Variants in GFOD1 observed in about 807,000 individuals in gnomAD.
GFOD1 encodes the protein Gfo/Idh/MocA-like oxidoreductase domain containing 1, also known as glucose-fructose oxidoreductase domain-containing protein 1.
Under a neutral mutation model 25.4 loss-of-function variants are expected in GFOD1, and 9 were observed. That is an observed-to-expected ratio of 0.35 (90% CI 0.21 to 0.62). The LOEUF (loss-of-function observed/expected upper bound fraction) is 0.62. Among genes scored for constraint, GFOD1 ranks in the 20% least tolerant of loss-of-function variants. The probability of loss-of-function intolerance (pLI) is 0.72; values close to 1 mark genes in which losing one functional copy is unlikely to be tolerated. For synonymous variants in GFOD1, 253 were observed against 245.6 expected, an observed-to-expected ratio of 1.03 and a Z score of -0.28; for missense variants, 403 against 556.9, an observed-to-expected ratio of 0.72 and a Z score of 2.78.
At chr6:13,483,274 A>G (rs972963847) in intron 1 of GFOD1, among the ~76,000 whole-genome samples, 12 of 152,172 alleles carry the variant, frequency 7.9e-5, no homozygotes, top group Admixed American at 7.9e-4. Context: ...AAGGGCGAAC[A>G]TGGAAGGAGA....
At chr6:13,458,017 A>C (rs570327901) in intron 1 of GFOD1, among the ~76,000 whole-genome samples, 1 of 152,216 alleles carries the variant, frequency 6.6e-6, no homozygotes. Context: ...TGAACTAATG[A>C]CAATTAAAAT....
chr6:13,478,697 G>T (rs982833543), intron 1 of GFOD1, among the ~76,000 whole-genome samples: 1 of 152,218 alleles, frequency 6.6e-6, no homozygotes, highest in Non-Finnish European at 1.5e-5. Flanking sequence ...GGCTGAACTT[G>T]TCATGTTCAT....
At chr6:13,442,428 T>A (rs1243817401) in intron 1 of GFOD1, among the ~76,000 whole-genome samples, 2 of 152,226 alleles carry the variant, frequency 1.3e-5, no homozygotes, top group Admixed American at 6.5e-5. Flanking sequence ...TTTTCATTAC[T>A]GGTATTATGA....
At chr6:13,470,320 A>G in intron 1 of GFOD1, 1 of 1,577,386 alleles carries the variant, frequency 6.3e-7, no homozygotes, top group Non-Finnish European at 8.6e-7. Context: ...CATTCAGGCA[A>G]GAATGTGCAG....
At position 13,372,909 on chromosome 6, in the gene GFOD1, T is replaced by C. The variant is rs552514719; in HGVS notation, c.254-7247A>G. Among the ~76,000 whole-genome samples the C allele has an allele frequency of 2.0e-5, 3 of 152,328 alleles. No individual in the cohort carries two copies. In the East Asian group the frequency reaches 5.8e-4, roughly 29 times the overall value. On this transcript the variant is annotated intron_variant, in intron 1 of 1. Coordinates refer to ENST00000379287, the MANE Select transcript of GFOD1 (RefSeq NM_018988.4). ...ATCTTCTAGAAGCCAAAACGGATGC[T>C]AGTTCTGCAGGCTGGCTTGCAGCTG... is the stretch of plus-strand genomic sequence containing the variant.
At chr6:13,412,927 C>G (rs544611330) in intron 1 of GFOD1, among the ~76,000 whole-genome samples, 1 of 152,302 alleles carries the variant, frequency 6.6e-6, no homozygotes, top group African/African-American at 2.4e-5. Context: ...GTTGCTATGA[C>G]GATAAGCATG....
chr6:13,466,573 C>T (rs1003795246), intron 1 of GFOD1, among the ~76,000 whole-genome samples: 3 of 152,178 alleles, frequency 2.0e-5, no homozygotes, highest in Non-Finnish European at 4.4e-5. Flanking sequence ...TCCCTGTGGC[C>T]TCCTGTGAAC....
Position 13,430,363 on chromosome 6 carries a change from G to T in GFOD1, c.253+56275C>A, listed in dbSNP as rs1011908923. Among the ~76,000 whole-genome samples the T allele has an allele frequency of 6.6e-6, 1 of 151,968 alleles. No individual in the cohort carries two copies. Among genetic ancestry groups the T allele is most frequent in the African/African-American group, 2.4e-5 (1 of 41,334 alleles). On this transcript the variant is annotated intron_variant, in intron 1 of 1. Coordinates refer to ENST00000379287, the MANE Select transcript of GFOD1 (RefSeq NM_018988.4). This position sits in a 1 kb window ranked among gnomAD's most constrained non-coding sequence, Gnocchi z 4.1. ...GAGGCAGGAGAATCACTTGAACCTG[G>T]GAGGCAGAGGTTGCAGTGATCCGAG...
chr6:13,411,325 T>G (rs1786073828), intron 1 of GFOD1, among the ~76,000 whole-genome samples: 1 of 152,138 alleles, frequency 6.6e-6, no homozygotes, highest in Non-Finnish European at 1.5e-5. Flanking sequence ...AGAGTCTCAC[T>G]CTGTCAGCCA....
chr6:13,462,367 G>C lies in GFOD1; in HGVS notation c.253+24271C>G, dbSNP rs555640980. Among the ~76,000 whole-genome samples, 3 of 152,194 alleles carry C rather than the reference G, an allele frequency of 2.0e-5. No individual in the cohort carries two copies. The East Asian group carries it at 5.8e-4, about 29-fold the overall frequency. On this transcript the variant is annotated intron_variant, in intron 1 of 1. Coordinates refer to ENST00000379287, the MANE Select transcript of GFOD1 (RefSeq NM_018988.4). ...TGTCATAAATTAGGGTTCTTCCTAG[G>C]ATTTCTGCCCCTATTTGTACCCCAC...
intron 1 of GFOD1, among the ~76,000 whole-genome samples, chr6:13,379,219 G>A (rs1486827344): frequency 6.6e-6 from 1 of 152,152 alleles, no homozygotes; most frequent in Non-Finnish European, 1.5e-5. Context: ...TAGTAGAGAT[G>A]TGTGATTTTG....
At chr6:13,482,503 T>C (rs546809976) in intron 1 of GFOD1, among the ~76,000 whole-genome samples, 2 of 152,230 alleles carry the variant, frequency 1.3e-5, no homozygotes, top group East Asian at 1.9e-4. Context: ...TCCCAGCACT[T>C]TGGGAGGCCA....
chr6:13,470,167 T>C, intron 1 of GFOD1: 1 of 1,541,920 alleles, frequency 6.5e-7, no homozygotes, highest in Non-Finnish European at 8.8e-7. Flanking sequence ...CCCACTGGCT[T>C]CCCCAGCACC....
chr6:13,391,971 C>A (rs1785623272), intron 1 of GFOD1, among the ~76,000 whole-genome samples: 1 of 152,170 alleles, frequency 6.6e-6, no homozygotes, highest in African/African-American at 2.4e-5. Context: ...CAGGCCTGCC[C>A]ATGGCATAGC....
chr6:13,396,660 A>T (rs1785739197), intron 1 of GFOD1, among the ~76,000 whole-genome samples: 1 of 152,164 alleles, frequency 6.6e-6, no homozygotes, highest in Non-Finnish European at 1.5e-5. Flanking sequence ...CTCTTACAAG[A>T]AGGAAGCAGG....
At chr6:13,471,664 G>A (rs1230493089) in intron 1 of GFOD1, among the ~76,000 whole-genome samples, 1 of 152,226 alleles carries the variant, frequency 6.6e-6, no homozygotes. Context: ...CCAAGGTGGA[G>A]ACTATCAACA....
intron 1 of GFOD1, among the ~76,000 whole-genome samples, chr6:13,467,722 A>ATTC (rs371344540): frequency 6.6e-6 from 1 of 151,950 alleles, no homozygotes; most frequent in African/African-American, 2.4e-5. Flanking sequence ...GGACTGTTCC[A>ATTC]GCTGTTTCTG....
intron 1 of GFOD1, among the ~76,000 whole-genome samples, chr6:13,397,136 T>C (rs1439497988): frequency 1.3e-5 from 2 of 152,092 alleles, no homozygotes; most frequent in African/African-American, 2.4e-5. Flanking sequence ...AGCAGACCCA[T>C]TGTGGGTGCC....
At chr6:13,463,544 G>A (rs1199936047) in intron 1 of GFOD1, among the ~76,000 whole-genome samples, 1 of 152,148 alleles carries the variant, frequency 6.6e-6, no homozygotes, top group African/African-American at 2.4e-5. Context: ...CCACGTCACC[G>A]GGGTGTGGGT....
Sources: allele counts gnomAD v4.1 joint callset (sites outside exome capture counted in the v4.1 genomes callset), GRCh38; gene constraint gnomAD v4.1.1; non-coding constraint Gnocchi (gnomAD v3.1); transcripts MANE v1.5; gene names NCBI Gene and HGNC (gene_info 2026-07-23, HGNC 2026-07-21).